PTPRU: variants seen among roughly 807,000 people sequenced by gnomAD.
PTPRU encodes protein tyrosine phosphatase receptor type U.
Under a neutral mutation model 166.3 loss-of-function variants are expected in PTPRU, and 69 were observed. The observed-to-expected ratio is 0.41, with a 90% CI of 0.34 to 0.51. PTPRU has a LOEUF of 0.51. Among genes scored for constraint, PTPRU ranks in the 20% least tolerant of loss-of-function variants. PTPRU has a pLI of 0.09. For missense variants in PTPRU, 1,657 were observed against 2,013.7 expected (o/e 0.82, Z 3.39); for synonymous variants, 793 against 814.0 (o/e 0.97, Z 0.44).
rs1557478916 is a variant in PTPRU, at chr1:29,311,686, G to T, written c.2999G>T (p.Gly1000Val). 6.2e-7 allele frequency: 1 copy of T among 1,614,224 alleles called. No individual in the cohort carries two copies. The highest frequency in any genetic ancestry group is 2.2e-5 in the East Asian group (1 of 44,890). ...TGGCCGGAGGACTCAGACACCTACG[G>T]GGACATCAAGATTATGCTGGTGAAG... ...RYWPEDSDTY[G>V]DIKIMLVKTE... Residue 1000 changes from glycine to valine, a missense_variant, in exon 21 of 30, where the codon GGG (glycine) becomes GTG (valine). Coordinates refer to ENST00000373779, the MANE Select transcript of PTPRU (RefSeq NM_133178.4). The surrounding 1 kb of genome is among the most constrained non-coding windows in gnomAD (Gnocchi z 4.1).
In PTPRU at chr1:29,280,096, T is replaced by C; in HGVS notation, c.1823T>C (p.Ile608Thr). The C allele has an allele frequency of 6.2e-7, 1 of 1,613,662 alleles. No individual in the cohort carries two copies. The highest frequency in any genetic ancestry group is 8.5e-7 in the Non-Finnish European group (1 of 1,180,002). Residue 608 changes from isoleucine (I) to threonine (T), a missense_variant, in exon 11 of 30, where the codon ATC (isoleucine) becomes ACC (threonine). By Grantham distance (89) the Ile-to-Thr change is moderately conservative. Transcript: ENST00000373779. This position sits in a 1 kb window ranked among gnomAD's most constrained non-coding sequence, Gnocchi z 4.2. ...CCCCTGGGCGAGTCTGAGAACACCA[T>C]CACCGTGCTGCTGAGGCCGGCACAG... ...PSPLGESENT[I>T]TVLLRPAQGR...
chr1:29,308,895 G>A (rs578168047), intron 18 of PTPRU, among the ~76,000 whole-genome samples: 2 of 151,988 alleles, frequency 1.3e-5, no homozygotes, highest in South Asian at 2.1e-4. Context: ...TGGATGTAGT[G>A]GCCTGTGCCT....
intron 15 of PTPRU, among the ~76,000 whole-genome samples, chr1:29,296,668 C>T (rs1369718320): frequency 6.9e-5 from 10 of 145,796 alleles, no homozygotes. Flanking sequence ...ACTGTCATGC[C>T]TTGCTACTTT....
Position 29,258,616 on chromosome 1 carries a change from T to G in PTPRU, c.317T>G (p.Leu106Arg). 1 of 1,614,260 alleles carries G rather than the reference T, an allele frequency of 6.2e-7. No individual in the cohort carries two copies. Among genetic ancestry groups the G allele is most frequent in the Non-Finnish European group, 8.5e-7 (1 of 1,180,044 alleles). The change falls in exon 3 of 30, where the codon CTG becomes CGG. Residue 106 changes from leucine to arginine, a missense_variant. Coordinates refer to ENST00000373779, the MANE Select transcript of PTPRU (RefSeq NM_133178.4). ...CACTGTGTGCAGTTCAGCTACTTCC[T>G]GTACAGCCGGGACGGGCACAGCCCG... The part of the protein sequence containing the change: ...DTHCVQFSYF[L>R]YSRDGHSPGT...
chr1:29,323,186 G>A, intron 26 of PTPRU, 185 bp from the exon 27 acceptor site: 3 of 731,030 alleles, frequency 4.1e-6, no homozygotes, highest in Non-Finnish European at 6.6e-6. Flanking sequence ...GGGCAGGTGG[G>A]CCTTGCAGCC....
chr1:29,298,475 A>G (rs1410209784), intron 15 of PTPRU, among the ~76,000 whole-genome samples: 3 of 152,134 alleles, frequency 2.0e-5, no homozygotes, highest in Non-Finnish European at 4.4e-5. Flanking sequence ...CAAATTTTAA[A>G]TGAAGGACTT....
At position 29,237,935 on chromosome 1, in the gene PTPRU, C is replaced by T. The variant is rs1489464700; in HGVS notation, c.73+1218C>T. ...GTCCGGGCGCGGGCAGGGCCTGGCT[C>T]GCCGCCGGGGGACGGCGCCCCCTCC... On this transcript the variant is annotated intron_variant, in intron 1 of 29. Transcript: ENST00000373779. This position sits in a 1 kb window ranked among gnomAD's most constrained non-coding sequence, Gnocchi z 6.4. Among the ~76,000 whole-genome samples the T allele has an allele frequency of 1.3e-5, 2 of 149,746 alleles. No homozygotes were observed. The highest frequency in any genetic ancestry group is 2.1e-4 in the South Asian group (1 of 4,814).
rs1434312481 is a variant in PTPRU at position 29,275,447 on chromosome 1, G to C, written c.1145-1G>C. On this transcript the variant is annotated splice_acceptor_variant, in intron 7 of 29. Coordinates refer to ENST00000373779, the MANE Select transcript of PTPRU (RefSeq NM_133178.4). LOFTEE classifies it high-confidence loss of function. Reference sequence around the variant, plus strand: ...TTCTCTCTGCTTCCTGCATTCTCCAGAGCCCATGAGGGCCCCCAAAGGCCT... The same window carrying C: ...TTCTCTCTGCTTCCTGCATTCTCCACAGCCCATGAGGGCCCCCAAAGGCCT... 6.2e-7 allele frequency: 1 copy of C among 1,610,346 alleles called. No homozygotes were observed. The highest frequency in any genetic ancestry group is 8.5e-7 in the Non-Finnish European group (1 of 1,176,878).
rs149799686 is a variant in PTPRU at position 29,290,688 on chromosome 1, C to T, written c.2319-1181C>T. Reference sequence around the variant, plus strand: ...AGCGACTCGCGCTGAGCCCCCAGCTCGGCTCCTGCAGGGGCTGTGGACAGG... The same window carrying T: ...AGCGACTCGCGCTGAGCCCCCAGCTTGGCTCCTGCAGGGGCTGTGGACAGG... On this transcript the variant is annotated intron_variant, in intron 14 of 29. Coordinates refer to ENST00000373779, the MANE Select transcript of PTPRU (RefSeq NM_133178.4). 7.0e-3 allele frequency among the ~76,000 whole-genome samples: 1,065 copies of T among 152,368 alleles called. 17 individuals are homozygous for T. The highest frequency in any genetic ancestry group is 0.024 in the African/African-American group (997 of 41,592).
Position 29,271,199 on chromosome 1 carries a change from C to T in PTPRU, c.1145-4249C>T, listed in dbSNP as rs981701518. ...CTCTGATCTCGGAGTGACCTGTAGC[C>T]CTGTGTAATTTAGAGGGATGGGGCT... On this transcript the variant is annotated intron_variant, in intron 7 of 29. Transcript: ENST00000373779. The surrounding 1 kb of genome is among the most constrained non-coding windows in gnomAD (Gnocchi z 4.4). Among the ~76,000 whole-genome samples, 5 of 152,040 alleles carry T rather than the reference C, an allele frequency of 3.3e-5. No individual in the cohort carries two copies. The highest frequency in any genetic ancestry group is 1.2e-4 in the African/African-American group (5 of 41,386).
chr1:29,307,254 G>GTCCTTCCTT, intron 18 of PTPRU: 2 of 1,413,914 alleles, frequency 1.4e-6, no homozygotes, highest in Non-Finnish European at 2.0e-6. Flanking sequence ...CTCTGTCTCT[G>GTCCTTCCTT]TCCTTCCTTT....
chr1:29,245,857 A>C (rs1482925205), intron 1 of PTPRU, among the ~76,000 whole-genome samples: 3 of 152,198 alleles, frequency 2.0e-5, no homozygotes, highest in Non-Finnish European at 4.4e-5. Flanking sequence ...TTTGTGTCAT[A>C]GAGCATTTAT....
chr1:29,244,556 T>A (rs2151939316), intron 1 of PTPRU, among the ~76,000 whole-genome samples: 1 of 152,212 alleles, frequency 6.6e-6, no homozygotes, highest in East Asian at 1.9e-4. Flanking sequence ...TACAGGAGCG[T>A]GCATGTGGAC....
rs1201574777 is a variant in PTPRU, at chr1:29,315,206, A to G, written c.3228-166A>G. Among the ~76,000 whole-genome samples the G allele has an allele frequency of 1.3e-5, 2 of 151,916 alleles. No homozygotes were observed. The highest frequency in any genetic ancestry group is 6.6e-5 in the Admixed American group (1 of 15,244). ...TAGCACATTTCACTAGAGCTCTTCC[A>G]TCCAGCAGCCTGCGTCCTGGCTCCT... On this transcript the variant is annotated intron_variant, in intron 22 of 29. Transcript: ENST00000373779. The surrounding 1 kb of genome is among the most constrained non-coding windows in gnomAD (Gnocchi z 4.5).
In PTPRU at chr1:29,316,178, T is replaced by G. The variant is rs751045655; in HGVS notation, c.3513+27T>G. On this transcript the variant is annotated intron_variant, in intron 24 of 29. Transcript: ENST00000373779. ...TGGGGGATGAGTGCGTGTGTATAGG[T>G]GTGTGTGTGTGTGTCTGTGTGTGTG... is the stretch of plus-strand genomic sequence containing the variant. The G allele has an allele frequency of 1.0e-4, 151 of 1,443,888 alleles. No homozygotes were observed. Among genetic ancestry groups the G allele is most frequent in the African/African-American group, 2.3e-4 (16 of 70,270 alleles). 89.4% of individuals were successfully genotyped at this position (1,443,888 alleles called of 1,614,324 possible).
At chr1:29,264,508 C>CTTT (rs1197340600) in intron 7 of PTPRU, among the ~76,000 whole-genome samples, 44 of 140,972 alleles carry the variant, frequency 3.1e-4, no homozygotes, top group African/African-American at 1.1e-3. Context: ...CAACCTCATT[C>CTTT]TTTTTTTTTT....
rs776458421 is a variant in PTPRU, at chr1:29,310,745, G to T, written c.2822G>T (p.Gly941Val). 1 of 1,613,776 alleles carries T rather than the reference G, an allele frequency of 6.2e-7. No individual in the cohort carries two copies. Among genetic ancestry groups the T allele is most frequent in the African/African-American group, 1.3e-5 (1 of 74,996 alleles). ...ADYINANYID[G>V]YHRSNHFIAT... Reference sequence around the variant, plus strand: ...CCGTGCCCTCTCCTCCTGTTCCAGGGTTACCACAGGTCAAACCACTTCATA... The same window carrying T: ...CCGTGCCCTCTCCTCCTGTTCCAGGTTTACCACAGGTCAAACCACTTCATA... The change falls in exon 19 of 30, where the codon GGT (glycine) becomes GTT (valine). Residue 941 changes from glycine to valine, a missense_variant and splice_region_variant. Around this residue, in one of 3 missense-constraint regions of PTPRU, gnomAD observed 1,190 missense variants for 1,477.4 expected, o/e 0.81. Coordinates refer to ENST00000373779, the MANE Select transcript of PTPRU (RefSeq NM_133178.4).
chr1:29,306,984 C>CCAGCT (rs1687419596), intron 18 of PTPRU: 1 of 925,744 alleles, frequency 1.1e-6, no homozygotes, highest in Admixed American at 2.0e-5. Flanking sequence ...GTGGCTCAGC[C>CCAGCT]CAGCCCGGCC....
intron 18 of PTPRU, chr1:29,307,267 A>G (rs992111202): frequency 7.6e-7 from 1 of 1,323,782 alleles, no homozygotes; most frequent in African/African-American, 1.5e-5. Context: ...CTTCCTTTCT[A>G]CTTATGTGCC....
Sources: gnomAD v4.1 joint callset for allele counts (sites outside exome capture counted in the v4.1 genomes callset) on GRCh38, gnomAD v4.1.1 for gene constraint, gnomAD v4.1.1 regional missense constraint, Gnocchi (gnomAD v3.1) non-coding constraint, MANE v1.5 for transcripts, NCBI Gene and HGNC (gene_info 2026-07-23, HGNC 2026-07-21) for gene names.